ANKS1A: variants seen among roughly 807,000 people sequenced by gnomAD.
The protein encoded by ANKS1A is ankyrin repeat and SAM domain-containing protein 1A.
Under a neutral mutation model 120.3 loss-of-function variants are expected in ANKS1A, and 55 were observed. The ratio of observed to expected loss-of-function variants is 0.46; its 90% confidence interval spans 0.37 to 0.57. The LOEUF is 0.57. ANKS1A is among the 20% of genes least tolerant of loss of function. The probability of loss-of-function intolerance (pLI) is 0.00; values close to 1 mark genes in which losing one functional copy is unlikely to be tolerated. For missense variants in ANKS1A, 1,123 were observed against 1,480.3 expected (o/e 0.76, Z 3.96); for synonymous variants, 590 against 604.7 (o/e 0.98, Z 0.36).
chr6:34,889,957 T>C lies in ANKS1A; in HGVS notation c.197+358T>C, dbSNP rs1478143448. 6.6e-6 allele frequency among the ~76,000 whole-genome samples: 1 copy of C among 152,128 alleles called. No individual in the cohort carries two copies. The highest frequency in any genetic ancestry group is 2.4e-5 in the African/African-American group (1 of 41,414). On this transcript the variant is annotated intron_variant, in intron 1 of 23. Transcript: ENST00000360359. This position sits in a 1 kb window ranked among gnomAD's most constrained non-coding sequence, Gnocchi z 5.5. ...CAAATATGTATATCTTATATATATATATATGAGATCTCCCTCACCTCCTGC... is the reference window on the plus strand; with the variant it reads ...CAAATATGTATATCTTATATATATACATATGAGATCTCCCTCACCTCCTGC...
At chr6:35,092,759 C>T (rs1001903731), downstream of ANKS1A, among the ~76,000 whole-genome samples, 1 of 152,208 alleles carries the variant, frequency 6.6e-6, no homozygotes, top group Non-Finnish European at 1.5e-5. Context: ...CAATCCCTGG[C>T]CTCTTCCACT....
intron 20 of ANKS1A, among the ~76,000 whole-genome samples, 157 bp from the exon 21 acceptor site, chr6:35,083,964 C>T (rs1469915480): frequency 6.6e-6 from 1 of 152,120 alleles, no homozygotes; most frequent in Non-Finnish European, 1.5e-5. Flanking sequence ...ATCGGGGACC[C>T]CCACCCCCAC....
At chr6:35,005,911 G>A (rs1014718799) in intron 10 of ANKS1A, 27 of 313,776 alleles carry the variant, frequency 8.6e-5, no homozygotes, top group Admixed American at 5.3e-4. Context: ...GAATTAGGCC[G>A]GGCGCGGTGG....
At position 35,086,001 on chromosome 6, in the gene ANKS1A, G is replaced by A; in HGVS notation, c.3303+65G>A. 2.0e-6 allele frequency: 3 copies of A among 1,512,582 alleles called. No individual in the cohort carries two copies. The highest frequency in any genetic ancestry group is 2.6e-6 in the Non-Finnish European group (3 of 1,138,002). 93.7% of individuals were successfully genotyped at this position (1,512,582 alleles called of 1,614,324 possible). Reference sequence around the variant, plus strand: ...CCCCAGGGATTCAAGGGCTCAGGGTGGTCAGCGTGAGGAGGGTCTTCTGGC... The same window carrying A: ...CCCCAGGGATTCAAGGGCTCAGGGTAGTCAGCGTGAGGAGGGTCTTCTGGC... On this transcript the variant is annotated intron_variant, in intron 22 of 23. Transcript: ENST00000360359. This position sits in a 1 kb window ranked among gnomAD's most constrained non-coding sequence, Gnocchi z 5.1.
rs182906116 is a variant in ANKS1A, at chr6:35,060,431, A to G, written c.2184+178A>G. 5.9e-5 allele frequency among the ~76,000 whole-genome samples: 9 copies of G among 152,284 alleles called. No homozygotes were observed. The East Asian group carries it at 1.5e-3, about 26-fold the overall frequency. On this transcript the variant is annotated intron_variant, in intron 13 of 23. Coordinates refer to ENST00000360359, the MANE Select transcript of ANKS1A (RefSeq NM_015245.3). The surrounding 1 kb of genome is among the most constrained non-coding windows in gnomAD (Gnocchi z 4.5). ...GCCAGGTGGTATGTGCCTTCTTCCCAAACTGTCCCTCTCCCTCTGCCCCAG... is the reference window on the plus strand; with the variant it reads ...GCCAGGTGGTATGTGCCTTCTTCCCGAACTGTCCCTCTCCCTCTGCCCCAG...
chr6:35,015,554 C>A (rs577387187), intron 10 of ANKS1A, among the ~76,000 whole-genome samples: 115 of 152,178 alleles, frequency 7.6e-4, no homozygotes, highest in African/African-American at 2.6e-3. Flanking sequence ...TGCTTCTGTG[C>A]TCCTGTGGAT....
At chr6:35,009,902 TAAAAAAAAAAAAAAAAA>T (rs530605297) in intron 10 of ANKS1A, 5 of 78,450 alleles carry the variant, frequency 6.4e-5, no homozygotes, top group Admixed American at 2.5e-4. Flanking sequence ...AGACTCTGTC[TAAAAAAAAAAAAAAAAA>T]AAAAAAAAAA....
At chr6:34,973,963 T>G (rs1419607056) in intron 3 of ANKS1A, among the ~76,000 whole-genome samples, 2 of 69,844 alleles carry the variant, frequency 2.9e-5, no homozygotes, top group African/African-American at 1.1e-4. Flanking sequence ...CCCCTTCCCC[T>G]TGCCTTCCCC....
intron 3 of ANKS1A, among the ~76,000 whole-genome samples, chr6:34,979,191 G>A (rs536848863): frequency 4.6e-5 from 7 of 152,088 alleles, no homozygotes; most frequent in South Asian, 2.1e-4. Flanking sequence ...CACCGTGCCC[G>A]GCCCCTACTA....
At position 35,060,399 on chromosome 6, in the gene ANKS1A, GAAGT is replaced by G; in HGVS notation, c.2184+147_2184+150del. ...CTCACTGAGGTCACTCAGACACCAG[GAAGT>G]CAGCCAGGTGGTATGTGCCTTCTTC... On this transcript the variant is annotated intron_variant, in intron 13 of 23. Transcript: ENST00000360359. The surrounding 1 kb of genome is among the most constrained non-coding windows in gnomAD (Gnocchi z 4.5). The G allele has an allele frequency of 1.5e-6, 1 of 674,272 alleles. No individual in the cohort carries two copies. Among genetic ancestry groups the G allele is most frequent in the Non-Finnish European group, 2.5e-6 (1 of 396,628 alleles). The allele number at this position is 674,272 out of a possible 1,614,324, so 41.8% of individuals were successfully genotyped here.
chr6:35,051,515 A>C (rs539194405), intron 11 of ANKS1A, among the ~76,000 whole-genome samples: 67 of 152,344 alleles, frequency 4.4e-4, no homozygotes, highest in Admixed American at 2.5e-3. Context: ...AGCACGCTGC[A>C]TGGCCGTGGA....
intron 1 of ANKS1A, among the ~76,000 whole-genome samples, chr6:34,936,587 A>C (rs1769268336): frequency 6.6e-6 from 1 of 152,210 alleles, no homozygotes. Flanking sequence ...AGTGCTTAGA[A>C]TATGTTTCCT....
intron 10 of ANKS1A, among the ~76,000 whole-genome samples, chr6:35,009,326 A>G (rs1257951243): frequency 1.3e-5 from 2 of 152,170 alleles, no homozygotes; most frequent in Non-Finnish European, 2.9e-5. Context: ...AACAAAATGT[A>G]TAGGAATGAG....
intron 1 of ANKS1A, among the ~76,000 whole-genome samples, chr6:34,896,980 T>G (rs1767122425): frequency 6.6e-6 from 1 of 151,704 alleles, no homozygotes; most frequent in Admixed American, 6.6e-5. Context: ...AAAATAAAAA[T>G]AAAAAATTAG....
chr6:35,029,115 A>G (rs146480203), intron 11 of ANKS1A, among the ~76,000 whole-genome samples: 1 of 151,708 alleles, frequency 6.6e-6, no homozygotes, highest in East Asian at 1.9e-4. Flanking sequence ...GCATCTCTTT[A>G]TATGTTTACA....
At chr6:34,905,700 G>A (rs1005754391) in intron 1 of ANKS1A, among the ~76,000 whole-genome samples, 1 of 152,196 alleles carries the variant, frequency 6.6e-6, no homozygotes, top group Non-Finnish European at 1.5e-5. Context: ...TTGGTTTCAT[G>A]TGGCCGTCAG....
chr6:35,093,939 C>CGG (rs1778383643), downstream of ANKS1A, among the ~76,000 whole-genome samples: 4 of 152,184 alleles, frequency 2.6e-5, no homozygotes, highest in Non-Finnish European at 5.9e-5. Flanking sequence ...GGTGAAGAGA[C>CGG]AGAACGCTCA....
At position 35,077,167 on chromosome 6, in the gene ANKS1A, G is replaced by A. The variant is rs146865889; in HGVS notation, c.2185-1391G>A. Among the ~76,000 whole-genome samples the A allele has an allele frequency of 2.4e-3, 363 of 152,336 alleles. 1 individual carries two copies. The highest frequency in any genetic ancestry group is 3.9e-3 in the Non-Finnish European group (264 of 68,040). On this transcript the variant is annotated intron_variant, in intron 13 of 23. Transcript: ENST00000360359. Reference sequence around the variant, plus strand: ...GTCACTAAGAAGAGCAGAAAGAGCTGTCAGTGTTAAGGCACGCACCCTTGA... The same window carrying A: ...GTCACTAAGAAGAGCAGAAAGAGCTATCAGTGTTAAGGCACGCACCCTTGA...
At chr6:34,921,936 T>C (rs771838010) in intron 1 of ANKS1A, among the ~76,000 whole-genome samples, 11 of 152,098 alleles carry the variant, frequency 7.2e-5, no homozygotes, top group African/African-American at 2.7e-4. Flanking sequence ...CCTCAAGCAG[T>C]TTTCCTGCCT....
Sources: gnomAD v4.1 joint callset for allele counts (sites outside exome capture counted in the v4.1 genomes callset) on GRCh38, gnomAD v4.1.1 for gene constraint, Gnocchi (gnomAD v3.1) non-coding constraint, MANE v1.5 for transcripts, NCBI Gene and HGNC (gene_info 2026-07-23, HGNC 2026-07-21) for gene names.